The following MYO16 variants were observed in gnomAD, a reference collection of about 807,000 sequenced individuals.
MYO16 encodes the protein unconventional myosin-XVI.
A neutral mutation model predicts 205.3 loss-of-function variants in MYO16; 94 were observed. The ratio of observed to expected loss-of-function variants is 0.46; its 90% CI spans 0.39 to 0.54. The LOEUF is 0.54. Ranked by LOEUF, MYO16 falls within the 20% of genes least tolerant of loss-of-function variation. The pLI is 0.00. For missense variants in MYO16, 2,315 were observed against 2,387.5 expected (o/e 0.97, Z 0.63); for synonymous variants, 988 against 954.0 (o/e 1.04, Z -0.66).
chr13:108,636,614 T>C (rs1319659536), intron 1 of MYO16, among the ~76,000 whole-genome samples: 3 of 152,004 alleles, frequency 2.0e-5, no homozygotes, highest in Admixed American at 6.6e-5. Context: ...TCTTGACCTC[T>C]TGATCTGCCC....
chr13:108,798,738 G>A (rs1455367023), intron 6 of MYO16, among the ~76,000 whole-genome samples: 1 of 102,130 alleles, frequency 9.8e-6, no homozygotes, highest in Non-Finnish European at 1.8e-5. Context: ...TCGCTCTGTC[G>A]CCCAGGCCGG....
chr13:108,883,156 G>A lies in MYO16; in HGVS notation c.1523G>A (p.Arg508Gln), dbSNP rs374921339. 67 of 1,613,696 alleles carry A rather than the reference G, an allele frequency of 4.2e-5. No individual in the cohort carries two copies. The East Asian group carries it at 4.5e-4, about 11-fold the overall frequency. Reference sequence around the variant, plus strand: ...GAGAGAGCCTTTCACCAGCTCTTCCGGGAACAGCGGCCTCAGTGTTTCATC... The same window carrying A: ...GAGAGAGCCTTTCACCAGCTCTTCCAGGAACAGCGGCCTCAGTGTTTCATC... The part of the protein sequence containing the change: ...CVERAFHQLF[R>Q]EQRPQCFILS... Residue 508 changes from arginine to glutamine, a missense_variant, in exon 13 of 35, where the codon CGG (arginine) becomes CAG (glutamine). Around this residue, in one of 3 missense-constraint regions of MYO16, gnomAD observed 1,213 missense variants for 1,274.4 expected, o/e 0.95. Coordinates refer to ENST00000457511, the MANE Select transcript of MYO16 (RefSeq NM_001198950.3).
intron 6 of MYO16, among the ~76,000 whole-genome samples, chr13:108,798,497 G>A (rs527696374): frequency 6.6e-6 from 1 of 151,840 alleles, no homozygotes; most frequent in East Asian, 1.9e-4. Context: ...GTTAAATAGG[G>A]GCCTCAGAAA....
intron 27 of MYO16, among the ~76,000 whole-genome samples, chr13:109,075,999 G>A (rs1317477816): frequency 1.3e-5 from 2 of 152,154 alleles, no homozygotes; most frequent in Non-Finnish European, 2.9e-5. Flanking sequence ...TTATCTATTT[G>A]TAGTTTGTAG....
chr13:109,080,670 T>C (rs888841895), intron 27 of MYO16, among the ~76,000 whole-genome samples: 3 of 152,134 alleles, frequency 2.0e-5, no homozygotes, highest in Non-Finnish European at 4.4e-5. Flanking sequence ...TCCTCCATTC[T>C]TTTATTGATG....
At chr13:108,622,614 G>A (rs1049286663) in intron 1 of MYO16, among the ~76,000 whole-genome samples, 2 of 150,568 alleles carry the variant, frequency 1.3e-5, no homozygotes, top group African/African-American at 4.9e-5. Context: ...AGAGAGACAG[G>A]GAGAGGAGGA....
chr13:108,551,890 T>G, the MYO16 span, among the ~76,000 whole-genome samples: 12,555 of 152,208 alleles, frequency 0.082, 1,106 homozygotes, highest in African/African-American at 0.21. Context: ...CTGTTCCAGA[T>G]GTTGAAAGAC....
At chr13:109,080,353 C>T (rs1241281569) in intron 27 of MYO16, among the ~76,000 whole-genome samples, 4 of 151,924 alleles carry the variant, frequency 2.6e-5, no homozygotes, top group South Asian at 2.1e-4. Context: ...TGATGCTAGA[C>T]GTGAGTTTTG....
chr13:109,000,918 T>C (rs1455270184), intron 21 of MYO16, among the ~76,000 whole-genome samples: 2 of 152,068 alleles, frequency 1.3e-5, no homozygotes, highest in Non-Finnish European at 2.9e-5. Flanking sequence ...GTAGTAATTA[T>C]TTACATTAAA....
intron 34 of MYO16, among the ~76,000 whole-genome samples, chr13:109,187,326 G>C (rs2139935096): frequency 6.6e-6 from 1 of 152,242 alleles, no homozygotes; most frequent in Non-Finnish European, 1.5e-5. Flanking sequence ...TTTTTTTAAA[G>C]TAGCTTTTGA....
intron 11 of MYO16, among the ~76,000 whole-genome samples, chr13:108,857,178 C>T (rs1878225018): frequency 1.3e-5 from 2 of 152,206 alleles, no homozygotes; most frequent in Non-Finnish European, 1.5e-5. Context: ...AATAATCCCA[C>T]TCTTTAAGTA....
At chr13:108,821,738 G>A (rs1211477072) in intron 8 of MYO16, among the ~76,000 whole-genome samples, 1 of 152,042 alleles carries the variant, frequency 6.6e-6, no homozygotes, top group Non-Finnish European at 1.5e-5. Flanking sequence ...TCTTAGGAAC[G>A]GAGGCAATGA....
the MYO16 span, among the ~76,000 whole-genome samples, chr13:108,581,979 C>T: frequency 1.1e-4 from 16 of 151,384 alleles, no homozygotes; most frequent in Admixed American, 5.9e-4. Flanking sequence ...TTACAGCATT[C>T]CCAGTGTGTT....
At chr13:108,892,126 A>G (rs976956528) in intron 14 of MYO16, among the ~76,000 whole-genome samples, 1 of 152,226 alleles carries the variant, frequency 6.6e-6, no homozygotes, top group East Asian at 1.9e-4. Flanking sequence ...CTCTTTAAAA[A>G]GAATGCATAA....
chr13:109,176,862 C>T (rs1594161401), intron 33 of MYO16, among the ~76,000 whole-genome samples: 1 of 152,042 alleles, frequency 6.6e-6, no homozygotes, highest in African/African-American at 2.4e-5. Flanking sequence ...CCTGCCCAAG[C>T]TGCCATATGT....
intron 1 of MYO16, chr13:108,596,274 A>G (rs1439144676): frequency 6.6e-6 from 1 of 152,156 alleles, no homozygotes; most frequent in Non-Finnish European, 1.5e-5. Flanking sequence ...TCTTCCTTTT[A>G]GAAGAACAGG....
intron 21 of MYO16, among the ~76,000 whole-genome samples, chr13:108,994,134 A>C (rs1284747739): frequency 1.3e-5 from 2 of 152,176 alleles, no homozygotes; most frequent in Non-Finnish European, 2.9e-5. Flanking sequence ...TTCTTTTGCT[A>C]AATATTTTTA....
At position 109,164,908 on chromosome 13, in the gene MYO16, A is replaced by G; in HGVS notation, c.5172A>G (p.Glu1724=). 1 of 1,562,540 alleles carries G rather than the reference A, an allele frequency of 6.4e-7. No homozygotes were observed. Among genetic ancestry groups the G allele is most frequent in the South Asian group, 1.2e-5 (1 of 82,688 alleles). ...TTCTAAAATTTATTTTAGGTTTTGA[A>G]ACTAACATGAACATAAGTAGCCGAG... is the stretch of plus-strand genomic sequence containing the variant. ...GRKIREAEGF[E]TNMNISSRDD... is the part of the protein sequence containing the mutation. The change falls in exon 33 of 35, where the codon GAA becomes GAG. Residue 1724 remains glutamate (E), a synonymous_variant. Transcript: ENST00000457511.
chr13:109,189,245 G>A (rs779227971), intron 34 of MYO16, among the ~76,000 whole-genome samples: 1 of 152,090 alleles, frequency 6.6e-6, no homozygotes, highest in Non-Finnish European at 1.5e-5. Flanking sequence ...CCAGATCAAG[G>A]GTGGGTCTGC....
Sources: gnomAD v4.1 joint callset for allele counts (sites outside exome capture counted in the v4.1 genomes callset) on GRCh38, gnomAD v4.1.1 for gene constraint, gnomAD v4.1.1 regional missense constraint, MANE v1.5 for transcripts, NCBI Gene and HGNC (gene_info 2026-07-23, HGNC 2026-07-21) for gene names.